Variants in SAMD7 observed in about 807,000 individuals in gnomAD.
SAMD7 encodes sterile alpha motif domain-containing protein 7.
Under a neutral mutation model 36.7 loss-of-function variants are expected in SAMD7, and 34 were observed. That is an observed-to-expected ratio of 0.93 (90% confidence interval 0.71 to 1.23). The LOEUF is 1.23. Among genes scored for constraint, SAMD7 ranks in the 50% most tolerant of loss-of-function variants. The pLI, the probability that SAMD7 is intolerant of heterozygous loss-of-function variation, is 0.00. For missense variants in SAMD7, 570 were observed against 546.6 expected (o/e 1.04, Z -0.43); for synonymous variants, 188 against 189.7 (o/e 0.99, Z 0.07).
intron 1 of SAMD7, among the ~76,000 whole-genome samples, chr3:169,915,029 C>T (rs1290156017): frequency 6.6e-6 from 1 of 152,206 alleles, no homozygotes; most frequent in Admixed American, 6.5e-5. Context: ...ATCTCCCTTT[C>T]TCAGTCTGAA....
intron 2 of SAMD7, among the ~76,000 whole-genome samples, chr3:169,918,513 T>C (rs528015896): frequency 6.6e-6 from 1 of 152,320 alleles, no homozygotes; most frequent in South Asian, 2.1e-4. Flanking sequence ...TTTAAAATCA[T>C]TCAAAGGATA....
intron 7 of SAMD7, among the ~76,000 whole-genome samples, chr3:169,930,798 G>A (rs1316535256): frequency 6.6e-6 from 1 of 151,916 alleles, no homozygotes; most frequent in East Asian, 1.9e-4. Context: ...GGCCAGGCTG[G>A]TCTCAACCTC....
At chr3:169,933,314 G>T (rs866836503) in intron 7 of SAMD7, 1 of 371,906 alleles carries the variant, frequency 2.7e-6, no homozygotes, top group African/African-American at 2.1e-5. Context: ...GTATGAAATG[G>T]ATTGGAAATG....
In SAMD7 at chr3:169,926,914, T is replaced by G. The variant is rs994763320; in HGVS notation, c.652T>G (p.Tyr218Asp). Residue 218 changes from tyrosine to aspartate, a missense_variant, in exon 6 of 9, where the codon TAT (tyrosine) becomes GAT (aspartate). Transcript: ENST00000335556. ...KILGQTHAVP[Y>D]EEDHYAKDPD... ...CCTAGGTCAGACTCATGCAGTTCCC[T>G]ATGAAGAGGATCATTATGCAAAAGA... 8 of 1,613,806 alleles carry G rather than the reference T, an allele frequency of 5.0e-6. No individual in the cohort carries two copies. The highest frequency in any genetic ancestry group is 1.3e-5 in the African/African-American group (1 of 74,850).
At chr3:169,915,951 A>G (rs904547866) in intron 2 of SAMD7, among the ~76,000 whole-genome samples, 2 of 152,178 alleles carry the variant, frequency 1.3e-5, no homozygotes, top group African/African-American at 2.4e-5. Flanking sequence ...TTTAATGTGT[A>G]CAATTTGATG....
chr3:169,912,676 G>A (rs556436375), intron 1 of SAMD7, among the ~76,000 whole-genome samples: 36 of 152,316 alleles, frequency 2.4e-4, no homozygotes, highest in South Asian at 1.0e-3. Flanking sequence ...AGCTTCCAGA[G>A]TAAAAAGAAA....
intron 5 of SAMD7, chr3:169,926,285 G>C (rs1173426303): frequency 1.4e-6 from 2 of 1,383,616 alleles, no homozygotes; most frequent in Non-Finnish European, 1.9e-6. Flanking sequence ...GCTGTGCTGC[G>C]TAAGCCCCAT....
chr3:169,931,501 A>T (rs911714548), intron 7 of SAMD7, among the ~76,000 whole-genome samples: 1 of 151,902 alleles, frequency 6.6e-6, no homozygotes, highest in Non-Finnish European at 1.5e-5. Context: ...AATTTTTTTT[A>T]AAGAGATGGG....
rs763608842 is a variant in SAMD7, at chr3:169,928,462, C to T, written c.925C>T (p.His309Tyr). 6.2e-7 allele frequency: 1 copy of T among 1,611,234 alleles called. No individual in the cohort carries two copies. The highest frequency in any genetic ancestry group is 8.5e-7 in the Non-Finnish European group (1 of 1,177,374). ...PVPRPSLPGT[H>Y]ALVTIGGNLS... ...AATTTCTTTCCATTTTAAAGGAACA[C>T]ATGCACTGGTTACAATTGGGGGGAA... Residue 309 changes from histidine (H) to tyrosine (Y), a missense_variant, in exon 7 of 9, where the codon CAT becomes TAT. His to Tyr is a moderately conservative substitution (Grantham distance 83, BLOSUM62 2). Coordinates refer to ENST00000335556, the MANE Select transcript of SAMD7 (RefSeq NM_001304366.2).
In SAMD7 at chr3:169,936,464, T is replaced by C. The variant is rs76200114; in HGVS notation, c.1152+15T>C. On this transcript the variant is annotated intron_variant, in intron 8 of 8. Transcript: ENST00000335556. ...TTCAGTCACAGGTATGGTGATTTTA[T>C]ATAACTAATTATGTATTAATGGCAC... 3.7e-3 allele frequency: 4,808 copies of C among 1,317,094 alleles called. 112 individuals carry two copies. In the African/African-American group the frequency reaches 0.057, roughly 16 times the overall value. 81.6% of individuals were successfully genotyped at this position (1,317,094 alleles called of 1,614,324 possible).
chr3:169,918,095 A>T (rs573033464), intron 2 of SAMD7, among the ~76,000 whole-genome samples: 1 of 150,856 alleles, frequency 6.6e-6, no homozygotes, highest in Admixed American at 6.6e-5. Flanking sequence ...GCGCCACCAC[A>T]CTTGGCTAAT....
At chr3:169,919,426 A>G in intron 2 of SAMD7, 32 bp from the exon 3 acceptor site, 3 of 1,131,042 alleles carry the variant, frequency 2.7e-6, no homozygotes, top group Non-Finnish European at 4.0e-6. Context: ...AAGTAGAGTT[A>G]TTTGTTAAAG....
At chr3:169,932,388 T>C in intron 7 of SAMD7, 2 of 641,784 alleles carry the variant, frequency 3.1e-6, no homozygotes, top group Non-Finnish European at 6.0e-6. Context: ...CTAAGTAGTA[T>C]AGCCGAGACT....
chr3:169,926,151 T>C (rs1467115028), intron 5 of SAMD7: 1 of 614,062 alleles, frequency 1.6e-6, no homozygotes. Flanking sequence ...CATTTATTTA[T>C]AAATATTGAG....
rs546981863 is a variant in SAMD7, at chr3:169,928,442, C to A, written c.920-15C>A. 1 of 1,605,858 alleles carries A rather than the reference C, an allele frequency of 6.2e-7. No individual in the cohort carries two copies. The highest frequency in any genetic ancestry group is 8.5e-7 in the Non-Finnish European group (1 of 1,172,842). On this transcript the variant is annotated splice_polypyrimidine_tract_variant and intron_variant, in intron 6 of 8. Coordinates refer to ENST00000335556, the MANE Select transcript of SAMD7 (RefSeq NM_001304366.2). ...CTGTATGTATTTTATGCCACAATTT[C>A]TTTCCATTTTAAAGGAACACATGCA... is the stretch of plus-strand genomic sequence containing the variant.
chr3:169,932,337 CT>C, intron 7 of SAMD7: 1 of 688,208 alleles, frequency 1.5e-6, no homozygotes, highest in East Asian at 3.3e-5. Flanking sequence ...AGCTGAAAGC[CT>C]TACTGATCCT....
chr3:169,925,468 T>C (rs1713220288), intron 5 of SAMD7, among the ~76,000 whole-genome samples: 1 of 152,150 alleles, frequency 6.6e-6, no homozygotes, highest in African/African-American at 2.4e-5. Flanking sequence ...GGCTCAGGCC[T>C]GTAATCCCAG....
At chr3:169,916,763 G>A (rs1712819977) in intron 2 of SAMD7, among the ~76,000 whole-genome samples, 2 of 152,288 alleles carry the variant, frequency 1.3e-5, no homozygotes, top group Non-Finnish European at 2.9e-5. Flanking sequence ...ACAAATCAAA[G>A]TTCAACAATT....
At position 169,936,464 on chromosome 3, in the gene SAMD7, T is replaced by A. The variant is rs76200114; in HGVS notation, c.1152+15T>A. On this transcript the variant is annotated intron_variant, in intron 8 of 8. Coordinates refer to ENST00000335556, the MANE Select transcript of SAMD7 (RefSeq NM_001304366.2). Reference sequence around the variant, plus strand: ...TTCAGTCACAGGTATGGTGATTTTATATAACTAATTATGTATTAATGGCAC... The same window carrying A: ...TTCAGTCACAGGTATGGTGATTTTAAATAACTAATTATGTATTAATGGCAC... The A allele has an allele frequency of 1.3e-5, 17 of 1,317,106 alleles. No individual in the cohort carries two copies. The highest frequency in any genetic ancestry group is 1.9e-5 in the Non-Finnish European group (17 of 912,054). 81.6% of individuals were successfully genotyped at this position (1,317,106 alleles called of 1,614,324 possible).
Sources: allele counts gnomAD v4.1 joint callset (sites outside exome capture counted in the v4.1 genomes callset), GRCh38; gene constraint gnomAD v4.1.1; transcripts MANE v1.5; gene names NCBI Gene and HGNC (gene_info 2026-07-23, HGNC 2026-07-21).